The following PCBP3 variants were observed in gnomAD, a reference collection of about 807,000 sequenced individuals.
The protein encoded by PCBP3 is poly(rC) binding protein 3.
A neutral mutation model predicts 52.7 loss-of-function variants in PCBP3; 25 were observed. The ratio of observed to expected loss-of-function variants is 0.47; its 90% confidence interval spans 0.35 to 0.66. The LOEUF (loss-of-function observed/expected upper bound fraction) is 0.66. Among genes scored for constraint, PCBP3 ranks in the 30% least tolerant of loss-of-function variants. The pLI is 0.01. For missense variants in PCBP3, 391 were observed against 490.3 expected, an observed-to-expected ratio of 0.80 and a Z score of 1.91; for synonymous variants, 162 against 183.0, an observed-to-expected ratio of 0.89 and a Z score of 0.93.
chr21:45,699,241 C>A (rs1430365150), intron 2 of PCBP3, among the ~76,000 whole-genome samples: 2 of 152,196 alleles, frequency 1.3e-5, no homozygotes, highest in Non-Finnish European at 2.9e-5. Flanking sequence ...CCCAAGTGAC[C>A]TAGAAGCTAA....
chr21:45,707,923 C>G lies in PCBP3; in HGVS notation c.-199-27469C>G, dbSNP rs577948851. The stretch of plus-strand genomic sequence containing the variant: ...GTCATCTTGACTGCACATGTAGCCC[C>G]AGGAAGCTGGTCTTCCCAGGTGAGG... On this transcript the variant is annotated intron_variant, in intron 2 of 17. Transcript: ENST00000681687. 5.1e-4 allele frequency among the ~76,000 whole-genome samples: 78 copies of G among 152,332 alleles called. 1 individual carries two copies. The highest frequency in any genetic ancestry group is 1.8e-4 in the Non-Finnish European group (12 of 68,032).
intron 16 of PCBP3, chr21:45,935,654 C>T: frequency 2.4e-6 from 1 of 414,992 alleles, no homozygotes; most frequent in Non-Finnish European, 4.6e-6. Context: ...CCCAGGAATG[C>T]TCTAGAGTGG....
rs2086347757 is a variant in PCBP3, at chr21:45,740,516, T to C, written c.-162+5087T>C. ...GTCACCAAGAAATTGAGAAAGAAGATGACAGAACTTTGAAAGTTGGAAGGC... is the reference window on the plus strand; with the variant it reads ...GTCACCAAGAAATTGAGAAAGAAGACGACAGAACTTTGAAAGTTGGAAGGC... On this transcript the variant is annotated intron_variant, in intron 3 of 17. Transcript: ENST00000681687. Among the ~76,000 whole-genome samples, 10 of 152,248 alleles carry C rather than the reference T, an allele frequency of 6.6e-5. No homozygotes were observed. In the South Asian group the frequency reaches 2.1e-3, roughly 32 times the overall value.
intron 6 of PCBP3, among the ~76,000 whole-genome samples, chr21:45,899,373 G>A (rs910312489): frequency 4.6e-5 from 7 of 152,180 alleles, no homozygotes; most frequent in Admixed American, 3.9e-4. Flanking sequence ...CTGGTCAGGT[G>A]GGCGCCAAGG....
intron 4 of PCBP3, among the ~76,000 whole-genome samples, chr21:45,798,387 C>T (rs371922191): frequency 7.8e-4 from 12 of 15,408 alleles, no homozygotes; most frequent in South Asian, 3.1e-3. Context: ...TGCATGGATC[C>T]GTAGAGAGAG....
chr21:45,749,350 TC>T (rs1359713159), intron 3 of PCBP3: 3 of 152,128 alleles, frequency 2.0e-5, no homozygotes, highest in Non-Finnish European at 4.4e-5. Flanking sequence ...TGAGCGCCCT[TC>T]AGTCACACTG....
intron 15 of PCBP3, among the ~76,000 whole-genome samples, chr21:45,932,959 A>G (rs2076455658): frequency 6.6e-6 from 1 of 152,198 alleles, no homozygotes; most frequent in Admixed American, 6.5e-5. Flanking sequence ...CTGTCCTGAG[A>G]TGAGTGAACA....
At position 45,643,852 on chromosome 21, in the gene PCBP3, C is replaced by T. The variant is rs2079074196; in HGVS notation, c.-295C>T. 6.7e-6 allele frequency: 1 copy of T among 148,734 alleles called. No homozygotes were observed. Among genetic ancestry groups the T allele is most frequent in the Non-Finnish European group, 1.5e-5 (1 of 66,574 alleles). 9.2% of individuals were successfully genotyped at this position (148,734 alleles called of 1,614,324 possible). A position where few individuals can be genotyped will look rare whatever the true frequency, so the allele number is the denominator to read the frequency against. On this transcript the variant is annotated 5_prime_UTR_variant, in exon 1 of 18. Transcript: ENST00000681687. ...TCTCCCCGCCGGCCCGCGGGCTCGC[C>T]GTCCGGCGCAGGGCAGGTGAGTGAG...
At chr21:45,825,791 A>AG (rs1245953216) in intron 4 of PCBP3, among the ~76,000 whole-genome samples, 1 of 152,124 alleles carries the variant, frequency 6.6e-6, no homozygotes, top group Non-Finnish European at 1.5e-5. Flanking sequence ...GCCCCAGCAG[A>AG]GGTGGGGTTG....
chr21:45,937,251 C>A lies in PCBP3; in HGVS notation c.909+1946C>A, dbSNP rs188206855. On this transcript the variant is annotated intron_variant, in intron 16 of 17. Transcript: ENST00000681687. ...GGGACTCCTGAGACTCACAGGCTCC[C>A]CAGCACGGCCACTGGGGACACAGGC... Among the ~76,000 whole-genome samples the A allele has an allele frequency of 1.3e-3, 197 of 152,338 alleles. 1 individual carries two copies. Among genetic ancestry groups the A allele is most frequent in the African/African-American group, 4.3e-3 (178 of 41,574 alleles).
intron 16 of PCBP3, among the ~76,000 whole-genome samples, chr21:45,939,703 C>G (rs1414395235): frequency 6.6e-6 from 1 of 152,222 alleles, no homozygotes; most frequent in African/African-American, 2.4e-5. Flanking sequence ...CGCTCCTGGA[C>G]CCCGGGGTGA....
intron 2 of PCBP3, among the ~76,000 whole-genome samples, chr21:45,695,935 C>A (rs1011952788): frequency 6.6e-6 from 1 of 151,804 alleles, no homozygotes; most frequent in African/African-American, 2.4e-5. Flanking sequence ...AAAAATTAGC[C>A]TGACGTGGTG....
chr21:45,843,031 A>G (rs2093730234), intron 4 of PCBP3, among the ~76,000 whole-genome samples: 1 of 145,760 alleles, frequency 6.9e-6, no homozygotes, highest in Admixed American at 6.7e-5. Flanking sequence ...TCTGAAATAT[A>G]GAGGAGGAAG....
intron 2 of PCBP3, among the ~76,000 whole-genome samples, chr21:45,685,745 G>C (rs1001841948): frequency 1.3e-5 from 2 of 152,088 alleles, no homozygotes; most frequent in Admixed American, 1.3e-4. Context: ...TTGTGAAGAG[G>C]AGATACATGG....
chr21:45,889,297 C>T (rs2095597561), intron 5 of PCBP3, among the ~76,000 whole-genome samples: 1 of 152,226 alleles, frequency 6.6e-6, no homozygotes, highest in Non-Finnish European at 1.5e-5. Context: ...TCTGATTTGC[C>T]TTCCTCCGAC....
rs764769705 is a variant in PCBP3, at chr21:45,788,555, C to T, written c.-126+33103C>T. 1 of 152,504 alleles carries T rather than the reference C, an allele frequency of 6.6e-6. No homozygotes were observed. The highest frequency in any genetic ancestry group is 1.5e-5 in the Non-Finnish European group (1 of 68,290). The allele number at this position is 152,504 out of a possible 1,614,324, so 9.4% of individuals were successfully genotyped here. On this transcript the variant is annotated intron_variant, in intron 4 of 17. Coordinates refer to ENST00000681687, the MANE Select transcript of PCBP3 (RefSeq NM_001384156.1). This position sits in a 1 kb window ranked among gnomAD's most constrained non-coding sequence, Gnocchi z 4.3. Reference sequence around the variant, plus strand: ...ACGCCCTGCCCTCTTTTTTCCCACCCCACGGGGCCGATCCTGACTTCTGGT... The same window carrying T: ...ACGCCCTGCCCTCTTTTTTCCCACCTCACGGGGCCGATCCTGACTTCTGGT...
chr21:45,909,350 C>T lies in PCBP3; in HGVS notation c.340-5C>T, dbSNP rs1370613531. 1.2e-6 allele frequency: 2 copies of T among 1,611,580 alleles called. No homozygotes were observed. The highest frequency in any genetic ancestry group is 2.7e-5 in the African/African-American group (2 of 74,864). ...GTGCTGCCAACACACGTGTCTCTCCCCTAGGATATCATCAACTCCATGAGC... is the reference window on the plus strand; with the variant it reads ...GTGCTGCCAACACACGTGTCTCTCCTCTAGGATATCATCAACTCCATGAGC... On this transcript the variant is annotated splice_polypyrimidine_tract_variant and splice_region_variant and intron_variant, in intron 9 of 17. Coordinates refer to ENST00000681687, the MANE Select transcript of PCBP3 (RefSeq NM_001384156.1).
chr21:45,882,595 TTAAC>T (rs1272026816), intron 5 of PCBP3, among the ~76,000 whole-genome samples: 2 of 152,368 alleles, frequency 1.3e-5, no homozygotes, highest in East Asian at 3.8e-4. Flanking sequence ...AAAAAAATCA[TTAAC>T]TAAACCAGTG....
intron 5 of PCBP3, among the ~76,000 whole-genome samples, chr21:45,892,760 C>G (rs1290607410): frequency 6.6e-6 from 1 of 152,192 alleles, no homozygotes; most frequent in Non-Finnish European, 1.5e-5. Context: ...CTGTCCCCAC[C>G]CCCAGGCCCC....
Sources: allele counts gnomAD v4.1 joint callset (sites outside exome capture counted in the v4.1 genomes callset), GRCh38; gene constraint gnomAD v4.1.1; non-coding constraint Gnocchi (gnomAD v3.1); transcripts MANE v1.5; gene names NCBI Gene and HGNC (gene_info 2026-07-23, HGNC 2026-07-21).